Variants in SLC12A8 observed in about 807,000 individuals in gnomAD.
SLC12A8 encodes the protein solute carrier family 12 member 8, also known as cation-chloride cotransporter 9.
SLC12A8 carries 69 observed loss-of-function variants against 75.6 expected under a neutral mutation model. The ratio of observed to expected loss-of-function variants is 0.91; its 90% CI spans 0.75 to 1.11. The LOEUF (loss-of-function observed/expected upper bound fraction) is 1.11, where lower values mean the gene tolerates loss of function less well. Among genes scored for constraint, SLC12A8 ranks in the 50% most tolerant of loss-of-function variants. The pLI is 0.00. For synonymous variants in SLC12A8, 365 were observed against 372.8 expected, an observed-to-expected ratio of 0.98 and a Z score of 0.24; for missense variants, 877 against 896.7, an observed-to-expected ratio of 0.98 and a Z score of 0.28.
intron 10 of SLC12A8, among the ~76,000 whole-genome samples, chr3:125,104,151 G>A (rs1317794836): frequency 6.6e-6 from 1 of 152,112 alleles, no homozygotes; most frequent in Non-Finnish European, 1.5e-5. Context: ...TGTCGCCCAG[G>A]CTGGAGTGCG....
At chr3:125,147,609 G>T (rs979727196) in intron 5 of SLC12A8, among the ~76,000 whole-genome samples, 1 of 152,206 alleles carries the variant, frequency 6.6e-6, no homozygotes, top group African/African-American at 2.4e-5. Flanking sequence ...CTGGGGTGCT[G>T]GATGAGTCCA....
chr3:125,187,776 G>T (rs1350601998), intron 3 of SLC12A8, among the ~76,000 whole-genome samples: 1 of 123,732 alleles, frequency 8.1e-6, no homozygotes, highest in African/African-American at 3.1e-5. Context: ...TCCTCATGCT[G>T]ATTCCCCTGC....
chr3:125,185,056 T>C (rs966613703), intron 4 of SLC12A8, among the ~76,000 whole-genome samples: 2 of 152,132 alleles, frequency 1.3e-5, no homozygotes, highest in Non-Finnish European at 2.9e-5. Flanking sequence ...CACAGTGGCT[T>C]ACGCCTGTAA....
In SLC12A8 at chr3:125,150,761, G is replaced by C. The variant is rs374554783; in HGVS notation, c.623-14979C>G. Among the ~76,000 whole-genome samples, 15 of 152,318 alleles carry C rather than the reference G, an allele frequency of 9.8e-5. 2 individuals carry two copies. Among genetic ancestry groups the C allele is most frequent in the South Asian group, 8.3e-4 (4 of 4,830 alleles). ...ATATACAAGGGCACCGCAAGACGAG[G>C]TTTGGACTACTGCATCAAAAAGGCT... On this transcript the variant is annotated intron_variant, in intron 5 of 13. Transcript: ENST00000469902.
intron 5 of SLC12A8, among the ~76,000 whole-genome samples, chr3:125,175,286 A>G (rs1424143438): frequency 6.6e-6 from 1 of 152,178 alleles, no homozygotes. Flanking sequence ...AAGAGTTGAA[A>G]TCACTCTGTT....
At chr3:125,185,332 A>G (rs1387962423) in intron 4 of SLC12A8, among the ~76,000 whole-genome samples, 1 of 151,856 alleles carries the variant, frequency 6.6e-6, no homozygotes, top group African/African-American at 2.4e-5. Context: ...AAAACAAAAA[A>G]CAAAAAACAA....
At chr3:125,099,408 C>T (rs1938804145) in intron 10 of SLC12A8, among the ~76,000 whole-genome samples, 1 of 152,076 alleles carries the variant, frequency 6.6e-6, no homozygotes, top group African/African-American at 2.4e-5. Context: ...CGAAAAATTA[C>T]AAGACATGCA....
intron 5 of SLC12A8, among the ~76,000 whole-genome samples, chr3:125,139,273 C>T (rs2107763290): frequency 6.6e-6 from 1 of 151,982 alleles, no homozygotes; most frequent in South Asian, 2.1e-4. Flanking sequence ...CACCCCCAGT[C>T]GTACCTCCAT....
At chr3:125,135,464 C>T (rs1189904178) in intron 6 of SLC12A8, among the ~76,000 whole-genome samples, 3 of 152,070 alleles carry the variant, frequency 2.0e-5, no homozygotes, top group East Asian at 1.9e-4. Context: ...GGTTCAAGAC[C>T]AGCCTGGGCA....
rs567410726 is a variant in SLC12A8 at position 125,095,519 on chromosome 3, A to G, written c.1706-3321T>C. 4.5e-4 allele frequency among the ~76,000 whole-genome samples: 68 copies of G among 152,364 alleles called. No individual in the cohort carries two copies. The South Asian group carries it at 0.014, about 32-fold the overall frequency. ...GGCTCCTGTGGTACAGACCCCAGCTAGAGTACAGTCCACAGGATTTCTCAC... is the reference window on the plus strand; with the variant it reads ...GGCTCCTGTGGTACAGACCCCAGCTGGAGTACAGTCCACAGGATTTCTCAC... On this transcript the variant is annotated intron_variant, in intron 10 of 13. Transcript: ENST00000469902.
intron 8 of SLC12A8, among the ~76,000 whole-genome samples, chr3:125,116,213 C>A (rs1233295695): frequency 2.6e-5 from 4 of 152,218 alleles, no homozygotes; most frequent in Non-Finnish European, 5.9e-5. Flanking sequence ...ATTTTGAAGT[C>A]ATCAGGGTCG....
chr3:125,127,560 T>C (rs1456773641), intron 6 of SLC12A8, among the ~76,000 whole-genome samples: 1 of 152,150 alleles, frequency 6.6e-6, no homozygotes, highest in Non-Finnish European at 1.5e-5. Context: ...TTTTTGAAAG[T>C]ACAAAATTAT....
Position 125,094,774 on chromosome 3 carries a change from A to G in SLC12A8, c.1706-2576T>C, listed in dbSNP as rs562896391. Among the ~76,000 whole-genome samples the G allele has an allele frequency of 2.8e-4, 42 of 152,100 alleles. No individual in the cohort carries two copies. In the South Asian group the frequency reaches 6.9e-3, roughly 25 times the overall value. ...GTCTCTATATCCCATTATTTCCTCA[A>G]CCCACTCTTATGATTGTATCTACTT... On this transcript the variant is annotated intron_variant, in intron 10 of 13. Coordinates refer to ENST00000469902, the MANE Select transcript of SLC12A8 (RefSeq NM_024628.6).
Position 125,099,493 on chromosome 3 carries a change from T to C in SLC12A8, c.1706-7295A>G, listed in dbSNP as rs773068833. Among the ~76,000 whole-genome samples, 15 of 152,164 alleles carry C rather than the reference T, an allele frequency of 9.9e-5. No individual in the cohort carries two copies. In the East Asian group the frequency reaches 1.2e-3, roughly 12 times the overall value. ...AAAAGAAACTAACTGAGTAGGTTCA[T>C]GTGTTGTATTTAGCAGACAAAGACT... On this transcript the variant is annotated intron_variant, in intron 10 of 13. Transcript: ENST00000469902.
chr3:125,197,957 A>G (rs1055223641), intron 2 of SLC12A8, among the ~76,000 whole-genome samples: 2 of 152,256 alleles, frequency 1.3e-5, no homozygotes, highest in African/African-American at 4.8e-5. Context: ...TTAACAAAAA[A>G]GAGAAATTAG....
At chr3:125,157,482 C>T (rs1310870064) in intron 5 of SLC12A8, among the ~76,000 whole-genome samples, 1 of 152,212 alleles carries the variant, frequency 6.6e-6, no homozygotes, top group Non-Finnish European at 1.5e-5. Flanking sequence ...CTTCCCTCTG[C>T]CTCCTCGCTT....
At chr3:125,163,346 G>A (rs1025704054) in intron 5 of SLC12A8, among the ~76,000 whole-genome samples, 8 of 151,898 alleles carry the variant, frequency 5.3e-5, no homozygotes, top group Non-Finnish European at 1.2e-4. Flanking sequence ...GGTGGTTCAC[G>A]CCTGTAATCC....
intron 13 of SLC12A8, among the ~76,000 whole-genome samples, chr3:125,086,812 C>T (rs745643660): frequency 6.6e-6 from 1 of 152,184 alleles, no homozygotes; most frequent in Non-Finnish European, 1.5e-5. Context: ...CCCATGCACC[C>T]CAGCCTCCAT....
intron 10 of SLC12A8, among the ~76,000 whole-genome samples, chr3:125,101,732 A>G (rs1938880876): frequency 6.6e-6 from 1 of 152,228 alleles, no homozygotes; most frequent in South Asian, 2.1e-4. Flanking sequence ...TGCTTTCAGG[A>G]ATATTTATTC....
Sources: allele counts gnomAD v4.1 joint callset (sites outside exome capture counted in the v4.1 genomes callset), GRCh38; gene constraint gnomAD v4.1.1; transcripts MANE v1.5; gene names NCBI Gene and HGNC (gene_info 2026-07-23, HGNC 2026-07-21).